The following EFCAB6 variants were observed in gnomAD, a reference collection of about 807,000 sequenced individuals.
EFCAB6 encodes EF-hand calcium-binding domain-containing protein 6.
In EFCAB6, 156 loss-of-function variants were observed where a neutral mutation model predicts 169.8. The ratio of observed to expected loss-of-function variants is 0.92; its 90% CI spans 0.81 to 1.05. EFCAB6 has a LOEUF of 1.05. EFCAB6 is among the 50% of genes least tolerant of loss of function. The pLI is 0.00. For synonymous variants in EFCAB6, 698 were observed against 676.4 expected, an observed-to-expected ratio of 1.03 and a Z score of -0.50; for missense variants, 1,800 against 1,829.1, an observed-to-expected ratio of 0.98 and a Z score of 0.29.
At chr22:43,748,655 C>G (rs1479789716) in intron 6 of EFCAB6, among the ~76,000 whole-genome samples, 2 of 152,138 alleles carry the variant, frequency 1.3e-5, no homozygotes, top group Admixed American at 6.5e-5. Context: ...AGGAACTGTT[C>G]AAGGCACTGA....
At chr22:43,624,948 G>T (rs1375944867) in intron 20 of EFCAB6, among the ~76,000 whole-genome samples, 1 of 152,134 alleles carries the variant, frequency 6.6e-6, no homozygotes, top group African/African-American at 2.4e-5. Context: ...TTTTTGGGAA[G>T]AATTTTGTTT....
At chr22:43,759,483 G>A (rs914949506) in intron 5 of EFCAB6, 1 of 152,100 alleles carries the variant, frequency 6.6e-6, no homozygotes, top group Non-Finnish European at 1.5e-5. Context: ...AATATGCAAG[G>A]GGCCCTCTCC....
At chr22:43,598,639 A>G (rs2052243355) in intron 23 of EFCAB6, among the ~76,000 whole-genome samples, 1 of 152,206 alleles carries the variant, frequency 6.6e-6, no homozygotes, top group Non-Finnish European at 1.5e-5. Flanking sequence ...AATATCTAAA[A>G]GAGTATAATT....
At chr22:43,767,373 T>C (rs999312850) in intron 4 of EFCAB6, among the ~76,000 whole-genome samples, 1 of 152,186 alleles carries the variant, frequency 6.6e-6, no homozygotes, top group African/African-American at 2.4e-5. Flanking sequence ...CATTTTTAAG[T>C]AGATATAATT....
chr22:43,591,458 T>TA (rs35033134), intron 23 of EFCAB6, among the ~76,000 whole-genome samples: 11,836 of 84,852 alleles, frequency 0.14, 648 homozygotes, highest in African/African-American at 0.21. Flanking sequence ...CTCTGTCTTA[T>TA]AAAAAAAAAA....
At chr22:43,578,209 C>G (rs1251562644) in intron 25 of EFCAB6, among the ~76,000 whole-genome samples, 1 of 152,144 alleles carries the variant, frequency 6.6e-6, no homozygotes, top group Non-Finnish European at 1.5e-5. Context: ...CCTCAGTTTC[C>G]CCTCCTGTAG....
At chr22:43,588,370 A>C (rs1016034596) in intron 24 of EFCAB6, among the ~76,000 whole-genome samples, 1 of 152,246 alleles carries the variant, frequency 6.6e-6, no homozygotes, top group Non-Finnish European at 1.5e-5. Context: ...ATACCTTCAG[A>C]GAAATGAGAT....
chr22:43,574,694 CAA>C (rs751006054), intron 26 of EFCAB6, among the ~76,000 whole-genome samples: 8 of 148,958 alleles, frequency 5.4e-5, no homozygotes, highest in Non-Finnish European at 8.9e-5. Flanking sequence ...CACTATAAAA[CAA>C]GAGCAAAGAC....
At chr22:43,533,433 G>C (rs2047200074) in intron 30 of EFCAB6, 1 of 152,230 alleles carries the variant, frequency 6.6e-6, no homozygotes, top group Non-Finnish European at 1.5e-5. Flanking sequence ...CCTGGGAAGA[G>C]CCACCATAAC....
chr22:43,807,889 T>C (rs1049588614), intron 2 of EFCAB6, among the ~76,000 whole-genome samples: 9 of 152,232 alleles, frequency 5.9e-5, no homozygotes, highest in African/African-American at 2.2e-4. Context: ...ACTGAGCATC[T>C]ACATTCTTGG....
At chr22:43,530,609 C>G in intron 31 of EFCAB6, 1 of 985,448 alleles carries the variant, frequency 1.0e-6, no homozygotes, top group Non-Finnish European at 1.2e-6. Context: ...CTCCAGCAAC[C>G]TTTGGGAAGG....
rs58130994 is a variant in EFCAB6 at position 43,599,509 on chromosome 22, C to CAAAAAAAAAAAAAAAA, written c.2876+544_2876+559dup. On this transcript the variant is annotated intron_variant, in intron 23 of 31. Transcript: ENST00000262726. ...TGGGAGACAGAGTGAGATTCCATCT[C>CAAAAAAAAAAAAAAAA]AAAAAAAAAAAAAAAAAAAAAAAAA... Among the ~76,000 whole-genome samples the CAAAAAAAAAAAAAAAA allele has an allele frequency of 6.8e-5, 3 of 44,242 alleles. 1 individual carries two copies. The highest frequency in any genetic ancestry group is 1.8e-4 in the African/African-American group (2 of 11,102). 29.0% of individuals were successfully genotyped at this position (44,242 alleles called of 152,430 possible). A position where few individuals can be genotyped will look rare whatever the true frequency, so the allele number is the denominator to read the frequency against.
intron 1 of EFCAB6, among the ~76,000 whole-genome samples, chr22:43,811,339 AGAGGAGGG>A: frequency 9.8e-6 from 1 of 101,734 alleles, no homozygotes; most frequent in East Asian, 3.5e-4. Flanking sequence ...AGGGGAGGAG[AGAGGAGGG>A]GAGGAAGGGA....
At chr22:43,529,250 G>A (rs1204706679) in intron 31 of EFCAB6, among the ~76,000 whole-genome samples, 2 of 152,238 alleles carry the variant, frequency 1.3e-5, no homozygotes, top group Non-Finnish European at 2.9e-5. Flanking sequence ...GCTGGTCAAC[G>A]TATTCAGACA....
intron 12 of EFCAB6, among the ~76,000 whole-genome samples, chr22:43,681,929 C>T (rs754028379): frequency 5.9e-5 from 9 of 152,210 alleles, no homozygotes; most frequent in Non-Finnish European, 1.0e-4. Context: ...GAGTTGGTGG[C>T]AGCATCTGGA....
At chr22:43,763,697 T>C (rs1041468410) in intron 5 of EFCAB6, among the ~76,000 whole-genome samples, 6 of 152,236 alleles carry the variant, frequency 3.9e-5, no homozygotes, top group East Asian at 3.8e-4. Flanking sequence ...CTCTGATCAA[T>C]TGATATTAAT....
chr22:43,589,351 C>T (rs1179470369), intron 24 of EFCAB6, among the ~76,000 whole-genome samples: 1 of 110,542 alleles, frequency 9.0e-6, no homozygotes, highest in Non-Finnish European at 1.9e-5. Flanking sequence ...TATCAAAAAA[C>T]ATCAGTCAAC....
rs368026325 is a variant in EFCAB6 at position 43,685,644 on chromosome 22, G to A, written c.1143-1789C>T. 2.0e-5 allele frequency among the ~76,000 whole-genome samples: 3 copies of A among 152,166 alleles called. No individual in the cohort carries two copies. The East Asian group carries it at 5.8e-4, about 29-fold the overall frequency. On this transcript the variant is annotated intron_variant, in intron 11 of 31. Transcript: ENST00000262726. ...TTTGGGCAACTGTACAGGCAGTGGT[G>A]ACCCATCGCGGATTTTGATTGATCT...
At chr22:43,739,613 C>G (rs918366120) in intron 6 of EFCAB6, among the ~76,000 whole-genome samples, 1 of 152,188 alleles carries the variant, frequency 6.6e-6, no homozygotes, top group Non-Finnish European at 1.5e-5. Context: ...TAACAGACAT[C>G]TCAGGTTTAC....
Sources: gnomAD v4.1 joint callset for allele counts (sites outside exome capture counted in the v4.1 genomes callset) on GRCh38, gnomAD v4.1.1 for gene constraint, MANE v1.5 for transcripts, NCBI Gene and HGNC (gene_info 2026-07-23, HGNC 2026-07-21) for gene names.